Variants in CCL28 observed in about 807,000 individuals in gnomAD.
The protein encoded by CCL28 is C-C motif chemokine ligand 28, also known as C-C motif chemokine 28.
In CCL28, 4 loss-of-function variants were observed where a neutral mutation model predicts 7.1. The ratio of observed to expected loss-of-function variants is 0.56; its 90% CI spans 0.28 to 1.29. The LOEUF is 1.29. Among genes scored for constraint, CCL28 ranks in the 50% most tolerant of loss-of-function variants. The probability of loss-of-function intolerance (pLI) is 0.11; values close to 1 mark genes in which losing one functional copy is unlikely to be tolerated. For synonymous variants in CCL28, 55 were observed against 57.8 expected, an observed-to-expected ratio of 0.95 and a Z score of 0.22; for missense variants, 151 against 163.4, an observed-to-expected ratio of 0.92 and a Z score of 0.41.
intron 1 of CCL28, among the ~76,000 whole-genome samples, chr5:43,408,842 C>A (rs1435092595): frequency 6.8e-6 from 1 of 147,574 alleles, no homozygotes; most frequent in Admixed American, 6.7e-5. Flanking sequence ...AGGATAAATT[C>A]TTTAATTTTT....
chr5:43,362,143 C>T, the CCL28 span, among the ~76,000 whole-genome samples: 500 of 151,990 alleles, frequency 3.3e-3, 2 homozygotes, highest in South Asian at 4.6e-3. Flanking sequence ...GAATGTTTTC[C>T]GCTTGTTTGT....
intron 1 of CCL28, among the ~76,000 whole-genome samples, chr5:43,395,181 T>C (rs1003147808): frequency 1.3e-5 from 2 of 149,108 alleles, no homozygotes; most frequent in Admixed American, 6.7e-5. Flanking sequence ...GGATTTGTTA[T>C]TGGCTTACTT....
chr5:43,378,007 C>T (rs917756421), downstream of CCL28, among the ~76,000 whole-genome samples: 2 of 131,798 alleles, frequency 1.5e-5, no homozygotes, highest in South Asian at 2.3e-4. Context: ...GCTGGGATTA[C>T]AGGCGTGAGC....
At chr5:43,390,110 A>G (rs1312676178) in intron 1 of CCL28, among the ~76,000 whole-genome samples, 1 of 152,238 alleles carries the variant, frequency 6.6e-6, no homozygotes, top group African/African-American at 2.4e-5. Context: ...ACATTTCTTC[A>G]GCATTTACAT....
At chr5:43,389,218 T>G (rs1383655943) in intron 1 of CCL28, among the ~76,000 whole-genome samples, 1 of 152,224 alleles carries the variant, frequency 6.6e-6, no homozygotes, top group Non-Finnish European at 1.5e-5. Flanking sequence ...GAATTAGATA[T>G]TGGTGATCAC....
chr5:43,391,332 G>GT (rs949637337), intron 1 of CCL28, among the ~76,000 whole-genome samples: 1 of 152,208 alleles, frequency 6.6e-6, no homozygotes, highest in African/African-American at 2.4e-5. Flanking sequence ...ATTTATGAAT[G>GT]TAAGTTGTAG....
At chr5:43,408,415 C>T (rs1198233032) in intron 1 of CCL28, among the ~76,000 whole-genome samples, 1 of 152,172 alleles carries the variant, frequency 6.6e-6, no homozygotes, top group Non-Finnish European at 1.5e-5. Flanking sequence ...CGCATGTTCT[C>T]ATTCATAGGT....
chr5:43,359,975 T>C, the CCL28 span, among the ~76,000 whole-genome samples: 4 of 152,064 alleles, frequency 2.6e-5, no homozygotes, highest in South Asian at 8.3e-4. Flanking sequence ...GCCCACCAAA[T>C]TATCCATAAA....
rs768077629 is a variant in CCL28, at chr5:43,388,431, T to C, written c.110A>G (p.His37Arg). 1.4e-5 allele frequency: 23 copies of C among 1,613,936 alleles called. No individual in the cohort carries two copies. The highest frequency in any genetic ancestry group is 1.6e-5 in the Non-Finnish European group (19 of 1,179,982). The change falls in exon 2 of 3, where the codon CAT becomes CGT. Residue 37 changes from histidine (H) to arginine (R), a missense_variant. By Grantham distance (29) the His-to-Arg change is conservative. Transcript: ENST00000361115. Reference sequence around the variant, plus strand: ...TCTTTCCAGGAGCCTTCTGGAAATATGATGTGAAACCTCCGTGCAACAGCT... The same window carrying C: ...TCTTTCCAGGAGCCTTCTGGAAATACGATGTGAAACCTCCGTGCAACAGCT... ...ASSCCTEVSH[H>R]ISRRLLERVN...
chr5:43,398,723 C>T (rs759875497), intron 1 of CCL28, among the ~76,000 whole-genome samples: 8 of 152,218 alleles, frequency 5.3e-5, no homozygotes, highest in African/African-American at 7.2e-5. Context: ...TGGTGGCAGA[C>T]GCCAGTAATT....
chr5:43,358,358 CAG>C, the CCL28 span, among the ~76,000 whole-genome samples: 1 of 152,066 alleles, frequency 6.6e-6, no homozygotes, highest in Non-Finnish European at 1.5e-5. Flanking sequence ...AAAGCAAAAA[CAG>C]AGAACAAAAA....
At chr5:43,399,099 C>A (rs36025143) in intron 1 of CCL28, among the ~76,000 whole-genome samples, 1,911 of 152,328 alleles carry the variant, frequency 0.013, 37 homozygotes, top group East Asian at 0.083. Flanking sequence ...CCAAACTCAA[C>A]AGAGCCGCAA....
At chr5:43,411,567 T>C (rs756899627) in intron 1 of CCL28, among the ~76,000 whole-genome samples, 1 of 152,242 alleles carries the variant, frequency 6.6e-6, no homozygotes, top group Non-Finnish European at 1.5e-5. Flanking sequence ...CAGATGGGGT[T>C]TTACTATGTT....
chr5:43,360,279 A>G, the CCL28 span, among the ~76,000 whole-genome samples: 1 of 152,046 alleles, frequency 6.6e-6, no homozygotes, highest in Admixed American at 6.6e-5. Flanking sequence ...TTATCACATG[A>G]TTTTTTGGGG....
intron 2 of CCL28, among the ~76,000 whole-genome samples, chr5:43,382,609 A>G (rs895667386): frequency 1.3e-5 from 2 of 152,060 alleles, no homozygotes; most frequent in African/African-American, 4.8e-5. Flanking sequence ...CATCTTTCCT[A>G]CTGGAGTTAT....
downstream of CCL28, among the ~76,000 whole-genome samples, chr5:43,378,635 A>C (rs1739983303): frequency 6.6e-6 from 1 of 152,340 alleles, no homozygotes; most frequent in African/African-American, 2.4e-5. Context: ...TTTACTAAGC[A>C]CATGCAATAA....
intron 1 of CCL28, among the ~76,000 whole-genome samples, chr5:43,391,174 T>C (rs1412479096): frequency 6.6e-6 from 1 of 152,148 alleles, no homozygotes; most frequent in Non-Finnish European, 1.5e-5. Context: ...GAGACTTGGG[T>C]CCATCTTTAT....
the CCL28 span, among the ~76,000 whole-genome samples, chr5:43,363,933 G>T: frequency 1.3e-5 from 2 of 152,242 alleles, no homozygotes; most frequent in South Asian, 2.1e-4. Flanking sequence ...GAGCAATTGA[G>T]ACTAGTGAAT....
intron 1 of CCL28, among the ~76,000 whole-genome samples, chr5:43,405,463 A>G (rs895412926): frequency 6.6e-6 from 1 of 152,248 alleles, no homozygotes; most frequent in African/African-American, 2.4e-5. Flanking sequence ...ACAAAGACAT[A>G]ACATACCAGA....
Sources: gnomAD v4.1 joint callset for allele counts (sites outside exome capture counted in the v4.1 genomes callset) on GRCh38, gnomAD v4.1.1 for gene constraint, MANE v1.5 for transcripts, NCBI Gene and HGNC (gene_info 2026-07-23, HGNC 2026-07-21) for gene names.